The following ZNF536 variants were observed in gnomAD, a reference collection of about 807,000 sequenced individuals.
ZNF536 encodes the protein zinc finger protein 536.
A neutral mutation model predicts 84.5 loss-of-function variants in ZNF536; 13 were observed. The ratio of observed to expected loss-of-function variants is 0.15; its 90% CI spans 0.10 to 0.24. The LOEUF (loss-of-function observed/expected upper bound fraction) is 0.24. ZNF536 is among the 10% of genes least tolerant of loss of function. The pLI is 1.00. For missense variants in ZNF536, 1,536 were observed against 1,747.5 expected (o/e 0.88, Z 2.16); for synonymous variants, 811 against 742.5 (o/e 1.09, Z -1.50).
At chr19:30,459,330 C>T (rs1273730494) in intron 2 of ZNF536, among the ~76,000 whole-genome samples, 3 of 114,548 alleles carry the variant, frequency 2.6e-5, no homozygotes, top group Non-Finnish European at 1.9e-5. Flanking sequence ...TTCTTTCTTT[C>T]TTTCTTTCCT....
intron 1 of ZNF536, chr19:30,710,751 C>A (rs749737147): frequency 6.6e-6 from 1 of 152,166 alleles, no homozygotes; most frequent in Non-Finnish European, 1.5e-5. Flanking sequence ...CTCTTTCTGC[C>A]CACAGGTCAC....
At chr19:30,565,020 C>A (rs763132426) in intron 1 of ZNF536, among the ~76,000 whole-genome samples, 19 of 152,070 alleles carry the variant, frequency 1.2e-4, no homozygotes, top group Non-Finnish European at 2.1e-4. Flanking sequence ...ATCGCCTTGT[C>A]CGGGAAGAAC....
At chr19:30,381,475 T>TGATCTGG (rs2078196125) in intron 1 of ZNF536, among the ~76,000 whole-genome samples, 1 of 152,134 alleles carries the variant, frequency 6.6e-6, no homozygotes, top group Non-Finnish European at 1.5e-5. Flanking sequence ...AAGTGACGCT[T>TGATCTGG]GATCTGGGAC....
chr19:30,227,716 TTCCTC>T (rs1568503883), upstream of ZNF536, among the ~76,000 whole-genome samples: 3 of 151,200 alleles, frequency 2.0e-5, no homozygotes, highest in Non-Finnish European at 3.0e-5. Flanking sequence ...GGCCCTCCGG[TTCCTC>T]CTGCGCCTTC....
exon 2 of ZNF536, chr19:30,712,979 A>C (rs1220820361): frequency 6.6e-6 from 1 of 152,090 alleles, no homozygotes. Context: ...AAAAAGAGGA[A>C]AAAAAAGTGG....
exon 2 of ZNF536, chr19:30,711,853 A>G (rs1286984067): frequency 6.6e-6 from 1 of 152,228 alleles, no homozygotes; most frequent in Non-Finnish European, 1.5e-5. Context: ...AGCTAACCCC[A>G]TCCATAGAAG....
intron 1 of ZNF536, among the ~76,000 whole-genome samples, chr19:30,598,828 G>A (rs75974076): frequency 0.016 from 2,436 of 151,978 alleles, 59 homozygotes; most frequent in African/African-American, 0.057. Context: ...CAATTTCTTG[G>A]GAAAAATTTC....
intron 2 of ZNF536, among the ~76,000 whole-genome samples, chr19:30,464,963 G>A (rs950050458): frequency 5.3e-5 from 8 of 152,132 alleles, no homozygotes; most frequent in African/African-American, 1.9e-4. Context: ...GGAGAACAGG[G>A]ACTGCCTGAT....
intron 1 of ZNF536, among the ~76,000 whole-genome samples, chr19:30,269,326 G>T (rs1301202822): frequency 1.3e-5 from 2 of 152,204 alleles, no homozygotes; most frequent in Non-Finnish European, 2.9e-5. Flanking sequence ...GTTTGGTGGA[G>T]ACAGTGGTCA....
chr19:30,483,954 T>C (rs1189609025), intron 2 of ZNF536, among the ~76,000 whole-genome samples: 1 of 152,046 alleles, frequency 6.6e-6, no homozygotes, highest in Non-Finnish European at 1.5e-5. Flanking sequence ...TGTTCAGCTC[T>C]CTCTACTGGA....
intron 1 of ZNF536, among the ~76,000 whole-genome samples, chr19:30,395,709 T>G (rs866508600): frequency 1.3e-5 from 2 of 152,242 alleles, no homozygotes; most frequent in African/African-American, 4.8e-5. Context: ...AAGATCTACC[T>G]TTCTCCATAA....
chr19:30,573,863 G>C (rs1487713229), intron 1 of ZNF536, among the ~76,000 whole-genome samples: 1 of 152,184 alleles, frequency 6.6e-6, no homozygotes, highest in African/African-American at 2.4e-5. Context: ...ACCAGCAGGG[G>C]TTCAGCCCCT....
intron 2 of ZNF536, among the ~76,000 whole-genome samples, chr19:30,464,799 C>T (rs950337990): frequency 1.1e-4 from 17 of 151,920 alleles, no homozygotes; most frequent in Admixed American, 1.1e-3. Flanking sequence ...GAGGGCAAAG[C>T]GGGGTCCATC....
intron 3 of ZNF536, among the ~76,000 whole-genome samples, chr19:30,535,368 C>G (rs1349299511): frequency 6.6e-6 from 1 of 152,084 alleles, no homozygotes; most frequent in African/African-American, 2.4e-5. Flanking sequence ...GTGATGGGGT[C>G]TCAGCTCAAA....
intron 1 of ZNF536, among the ~76,000 whole-genome samples, chr19:30,429,764 GA>G (rs1321782439): frequency 3.3e-5 from 5 of 152,166 alleles, no homozygotes; most frequent in Admixed American, 2.6e-4. Flanking sequence ...AGGGCTTACT[GA>G]ATAAATGAAT....
chr19:30,425,970 A>G lies in ZNF536; in HGVS notation c.-2-17591A>G, dbSNP rs148398263. Among the ~76,000 whole-genome samples, 208 of 152,294 alleles carry G rather than the reference A, an allele frequency of 1.4e-3. 2 individuals carry two copies. The highest frequency in any genetic ancestry group is 4.6e-3 in the African/African-American group (193 of 41,558). On this transcript the variant is annotated intron_variant, in intron 1 of 4. Coordinates refer to ENST00000355537, the MANE Select transcript of ZNF536 (RefSeq NM_014717.3). ...GAGAGTGCAGGAAGTCCCAGACCCT[A>G]CTAGGAACCCTGAGCATGGAGTGAC...
At chr19:30,522,242 G>A (rs2044347008) in intron 2 of ZNF536, among the ~76,000 whole-genome samples, 1 of 2,268 alleles carries the variant, frequency 4.4e-4, no homozygotes, top group Non-Finnish European at 1.3e-3. Flanking sequence ...GTGCCTGATT[G>A]GCAGAGCTGG....
intron 2 of ZNF536, among the ~76,000 whole-genome samples, chr19:30,512,509 C>A (rs1433815361): frequency 6.6e-6 from 1 of 151,924 alleles, no homozygotes; most frequent in East Asian, 1.9e-4. Context: ...AAAACAGACC[C>A]CTGTCCAAGC....
At chr19:30,306,068 A>G (rs2046334650) in intron 2 of ZNF536, among the ~76,000 whole-genome samples, 1 of 152,224 alleles carries the variant, frequency 6.6e-6, no homozygotes, top group Non-Finnish European at 1.5e-5. Flanking sequence ...TCATTTGCTC[A>G]TGAAATCTGT....
Sources: allele counts gnomAD v4.1 joint callset (sites outside exome capture counted in the v4.1 genomes callset), GRCh38; gene constraint gnomAD v4.1.1; transcripts MANE v1.5; gene names NCBI Gene and HGNC (gene_info 2026-07-23, HGNC 2026-07-21).